Variants in APC2 observed in about 807,000 individuals in gnomAD.
APC2 encodes the protein APC regulator of Wnt signaling pathway 2.
A neutral mutation model predicts 72.5 loss-of-function variants in APC2; 41 were observed. That is an observed-to-expected ratio of 0.57 (90% CI 0.44 to 0.73). The LOEUF (loss-of-function observed/expected upper bound fraction) is 0.73. Among genes scored for constraint, APC2 ranks in the 30% least tolerant of loss-of-function variants. The pLI is 0.00. For missense variants in APC2, 3,729 were observed against 3,403.4 expected (o/e 1.10, Z -2.38); for synonymous variants, 1,898 against 1,612.0 (o/e 1.18, Z -4.25).
chr19:1,465,679 C>A lies in APC2; in HGVS notation c.2378C>A (p.Thr793Asn). 2 of 1,595,538 alleles carry A rather than the reference C, an allele frequency of 1.3e-6. No individual in the cohort carries two copies. Among genetic ancestry groups the A allele is most frequent in the Non-Finnish European group, 1.7e-6 (2 of 1,172,932 alleles). ...APSSLAAAAA[T>N]GEPASPAALS... is the part of the protein sequence containing the mutation. ...TCATCCCTGGCTGCGGCCGCGGCCACCGGGGAGCCAGCCAGCCCTGCCGCG... is the reference window on the plus strand; with the variant it reads ...TCATCCCTGGCTGCGGCCGCGGCCAACGGGGAGCCAGCCAGCCCTGCCGCG... Residue 793 changes from threonine (T) to asparagine (N), a missense_variant, in exon 15 of 15, where the codon ACC becomes AAC. By Grantham distance (65) the Thr-to-Asn change is moderately conservative. Coordinates refer to ENST00000590469, the MANE Select transcript of APC2 (RefSeq NM_005883.3).
Position 1,468,799 on chromosome 19 carries a change from C to G in APC2, c.5498C>G (p.Pro1833Arg). Residue 1833 changes from proline (P) to arginine (R), a missense_variant, in exon 15 of 15, where the codon CCG (proline) becomes CGG (arginine). Physicochemically the swap from Pro to Arg is moderately radical, Grantham distance 103 (BLOSUM62 -2). Transcript: ENST00000590469. ...CAGCCCGCGGCTCCAGCCAAAGTCC[C>G]GAGCCCCGGGCAGCAGCGGTCGCGG... Reference protein sequence around the residue: ...LAQPAAPAKVPSPGQQRSRSL... With the variant: ...LAQPAAPAKVRSPGQQRSRSL... 2 of 1,531,248 alleles carry G rather than the reference C, an allele frequency of 1.3e-6. No individual in the cohort carries two copies. The highest frequency in any genetic ancestry group is 8.8e-7 in the Non-Finnish European group (1 of 1,142,300). 94.9% of individuals were successfully genotyped at this position (1,531,248 alleles called of 1,614,324 possible).
At chr19:1,457,385 T>C (rs1568170141) in intron 9 of APC2, 142 bp downstream of exon 9, 1 of 1,235,158 alleles carries the variant, frequency 8.1e-7, no homozygotes, top group African/African-American at 1.6e-5. Flanking sequence ...GGCCGAGGCC[T>C]GTGGGGGCAT....
At chr19:1,461,461 C>T (rs188797061) in intron 13 of APC2, 32 of 445,954 alleles carry the variant, frequency 7.2e-5, no homozygotes, top group East Asian at 4.9e-4. Context: ...TCCAGCTACT[C>T]GGGAGGCTGA....
Position 1,456,331 on chromosome 19 carries a change from C to G in APC2, c.743C>G (p.Pro248Arg), listed in dbSNP as rs1029417656. 8 of 1,609,022 alleles carry G rather than the reference C, an allele frequency of 5.0e-6. No homozygotes were observed. The African/African-American group carries it at 1.1e-4, about 22-fold the overall frequency. ...GCCTTGCTGGCGGTGAAGTCGGTGC[C>G]GGTGGACGAGGACCCCGAGACAGAG... ...PQALLAVKSV[P>R]VDEDPETEVP... is the part of the protein sequence containing the mutation. The change falls in exon 8 of 15, where the codon CCG becomes CGG. Residue 248 changes from proline to arginine, a missense_variant. By Grantham distance (103) the Pro-to-Arg change is moderately radical. Coordinates refer to ENST00000590469, the MANE Select transcript of APC2 (RefSeq NM_005883.3).
chr19:1,446,383 G>C (rs903070829), upstream of APC2: 3 of 984,134 alleles, frequency 3.0e-6, no homozygotes, highest in African/African-American at 3.5e-5. The surrounding 1 kb of genome is among the most constrained non-coding windows in gnomAD (Gnocchi z 6.1). Context: ...GCTCCGGGCC[G>C]CGCAGGAACG....
At position 1,462,056 on chromosome 19, in the gene APC2, C is replaced by G; in HGVS notation, c.1732C>G (p.Leu578Val). The change falls in exon 14 of 15, where the codon CTG (leucine) becomes GTG (valine). Residue 578 changes from leucine (L) to valine (V), a missense_variant. Coordinates refer to ENST00000590469, the MANE Select transcript of APC2 (RefSeq NM_005883.3). Reference protein sequence around the residue: ...KAAICQVDGALGFLVSTLTYK... With the variant: ...KAAICQVDGAVGFLVSTLTYK... Reference sequence around the variant, plus strand: ...GGCCATCTGCCAGGTGGATGGCGCCCTGGGCTTCCTGGTGAGCACCCTGAC... The same window carrying G: ...GGCCATCTGCCAGGTGGATGGCGCCGTGGGCTTCCTGGTGAGCACCCTGAC... 1.2e-6 allele frequency: 2 copies of G among 1,613,124 alleles called. No individual in the cohort carries two copies. Among genetic ancestry groups the G allele is most frequent in the Non-Finnish European group, 1.7e-6 (2 of 1,180,010 alleles).
chr19:1,461,774 C>G, intron 13 of APC2, 189 bp from the exon 14 acceptor site: 1 of 580,564 alleles, frequency 1.7e-6, no homozygotes, highest in African/African-American at 1.9e-5. Context: ...ATCGCTTGAA[C>G]TGGGGAGTCG....
upstream of APC2, chr19:1,446,440 G>T: frequency 3.3e-6 from 3 of 897,990 alleles, no homozygotes; most frequent in Non-Finnish European, 4.0e-6. This position sits in a 1 kb window ranked among gnomAD's most constrained non-coding sequence, Gnocchi z 6.1. Flanking sequence ...GGCGGGGGGC[G>T]CATGGGGCGA....
At chr19:1,463,822 T>TA (rs1422325536) in intron 14 of APC2, among the ~76,000 whole-genome samples, 26 of 152,206 alleles carry the variant, frequency 1.7e-4, no homozygotes, top group African/African-American at 6.3e-4. Context: ...TACTTATTTA[T>TA]AAAAATAAAT....
intron 13 of APC2, 65 bp downstream of exon 13, chr19:1,461,218 G>C (rs577117787): frequency 9.4e-5 from 132 of 1,401,994 alleles, no homozygotes; most frequent in Non-Finnish European, 1.3e-4. Context: ...TGGCGGCAGC[G>C]GGCGAGCTCT....
Position 1,469,955 on chromosome 19 carries a change from C to T in APC2, c.6654C>T (p.Pro2218=), listed in dbSNP as rs1488714120. 5 of 1,513,806 alleles carry T rather than the reference C, an allele frequency of 3.3e-6. No homozygotes were observed. Among genetic ancestry groups the T allele is most frequent in the Admixed American group, 4.2e-5 (2 of 47,836 alleles). The allele number at this position is 1,513,806 out of a possible 1,614,324, so 93.8% of individuals were successfully genotyped here. The stretch of plus-strand genomic sequence containing the variant: ...AGACCAGGGAGCCCCCCGGGGCCCC[C>T]GCCGGCGGCCAGCTCTCCCTCCTCG... The part of the protein sequence containing the change: ...SLETREPPGA[P]AGGQLSLLGS... Residue 2218 remains proline (P), a synonymous_variant, in exon 15 of 15, where the codon CCC becomes CCT. Coordinates refer to ENST00000590469, the MANE Select transcript of APC2 (RefSeq NM_005883.3).
intron 10 of APC2, chr19:1,458,324 C>CAGAACAG: frequency 1.9e-6 from 1 of 535,892 alleles, no homozygotes; most frequent in Non-Finnish European, 3.3e-6. Flanking sequence ...CCCTGGGGCT[C>CAGAACAG]AGAACAGGGA....
At position 1,468,376 on chromosome 19, in the gene APC2, G is replaced by C; in HGVS notation, c.5075G>C (p.Gly1692Ala). 6.3e-7 allele frequency: 1 copy of C among 1,577,620 alleles called. No individual in the cohort carries two copies. Among genetic ancestry groups the C allele is most frequent in the Non-Finnish European group, 8.6e-7 (1 of 1,160,200 alleles). Residue 1692 changes from glycine (G) to alanine (A), a missense_variant, in exon 15 of 15, where the codon GGC becomes GCC. By Grantham distance (60) the Gly-to-Ala change is moderately conservative. Transcript: ENST00000590469. ...GTGGAGTGGCGCGCCATCCAGGAGG[G>C]CGCCAATTCAATTGTCACGTGGCTG... Reference protein sequence around the residue: ...DSVEWRAIQEGANSIVTWLHQ... With the variant: ...DSVEWRAIQEAANSIVTWLHQ...
upstream of APC2, among the ~76,000 whole-genome samples, chr19:1,446,645 C>T (rs969082032): frequency 2.0e-5 from 3 of 151,988 alleles, no homozygotes; most frequent in South Asian, 6.2e-4. The surrounding 1 kb of genome is among the most constrained non-coding windows in gnomAD (Gnocchi z 6.1). Context: ...GACCCCTCCT[C>T]ACTGCGCCGA....
At chr19:1,457,860 TC>T in intron 9 of APC2, 104 bp from the exon 10 acceptor site, 1 of 955,580 alleles carries the variant, frequency 1.0e-6, no homozygotes, top group Non-Finnish European at 1.5e-6. Context: ...TTTGCAAAGC[TC>T]CCGGGATCCT....
At position 1,450,224 on chromosome 19, in the gene APC2, G is replaced by C. The variant is rs948503140; in HGVS notation, c.-133G>C. On this transcript the variant is annotated 5_prime_UTR_variant, in exon 1 of 15. Coordinates refer to ENST00000590469, the MANE Select transcript of APC2 (RefSeq NM_005883.3). ...CTGCCCGCGCCGCGGAGACCCCGGA[G>C]CCCGCGCGCTCCGAGGCCACCCCGG... 7.1e-6 allele frequency: 7 copies of C among 985,384 alleles called. No homozygotes were observed. The South Asian group carries it at 3.3e-4, about 46-fold the overall frequency. The allele number at this position is 985,384 out of a possible 1,614,324, so 61.0% of individuals were successfully genotyped here.
Position 1,468,567 on chromosome 19 carries a change from G to A in APC2, c.5266G>A (p.Ala1756Thr), listed in dbSNP as rs1021530807. The A allele has an allele frequency of 9.4e-6, 15 of 1,597,830 alleles. No individual in the cohort carries two copies. The highest frequency in any genetic ancestry group is 1.7e-5 in the Admixed American group (1 of 59,188). ...GSARRPEKRG[A>T]ASVKTSGSPR... is the part of the protein sequence containing the mutation. Reference sequence around the variant, plus strand: ...TGCCCGGCGGCCAGAGAAAAGGGGCGCAGCCTCAGTCAAGACCAGCGGGAG... The same window carrying A: ...TGCCCGGCGGCCAGAGAAAAGGGGCACAGCCTCAGTCAAGACCAGCGGGAG... The change falls in exon 15 of 15, where the codon GCA becomes ACA. Residue 1756 changes from alanine (A) to threonine (T), a missense_variant. Physicochemically the swap from Ala to Thr is moderately conservative, Grantham distance 58 (BLOSUM62 0). Transcript: ENST00000590469.
In APC2 at chr19:1,468,081, C is replaced by T; in HGVS notation, c.4780C>T (p.Pro1594Ser). 1 of 1,550,530 alleles carries T rather than the reference C, an allele frequency of 6.4e-7. No homozygotes were observed. Among genetic ancestry groups the T allele is most frequent in the Non-Finnish European group, 8.6e-7 (1 of 1,157,844 alleles). ...SSLSEPEPSE[P>S]PAVHPRGREP... is the part of the protein sequence containing the mutation. Reference sequence around the variant, plus strand: ...CCTCAGCGAGCCCGAGCCCTCGGAGCCGCCGGCCGTCCATCCACGAGGCCG... The same window carrying T: ...CCTCAGCGAGCCCGAGCCCTCGGAGTCGCCGGCCGTCCATCCACGAGGCCG... Residue 1594 changes from proline (P) to serine (S), a missense_variant, in exon 15 of 15, where the codon CCG becomes TCG. Pro to Ser is a moderately conservative substitution (Grantham distance 74). Coordinates refer to ENST00000590469, the MANE Select transcript of APC2 (RefSeq NM_005883.3).
intron 14 of APC2, 79 bp downstream of exon 14, chr19:1,462,256 C>G (rs960877083): frequency 2.4e-5 from 32 of 1,336,920 alleles, no homozygotes; most frequent in Non-Finnish European, 3.2e-5. Context: ...ACTGTCCTCC[C>G]GTGAATGCAT....
Sources: allele counts gnomAD v4.1 joint callset (sites outside exome capture counted in the v4.1 genomes callset), GRCh38; gene constraint gnomAD v4.1.1; non-coding constraint Gnocchi (gnomAD v3.1); transcripts MANE v1.5; gene names NCBI Gene and HGNC (gene_info 2026-07-23, HGNC 2026-07-21).